Variants in ACADVL observed in about 807,000 individuals in gnomAD.
ACADVL encodes the protein very long-chain acyl-CoA dehydrogenase, mitochondrial.
In ACADVL, 73 loss-of-function variants were observed where a neutral mutation model predicts 80.4. The ratio of observed to expected loss-of-function variants is 0.91; its 90% CI spans 0.75 to 1.10. The LOEUF is 1.10. Ranked by LOEUF, ACADVL falls within the 50% of genes least tolerant of loss-of-function variation. The pLI is 0.00. For missense variants in ACADVL, 878 were observed against 858.9 expected (o/e 1.02, Z -0.28); for synonymous variants, 392 against 326.5 (o/e 1.20, Z -2.16).
upstream of ACADVL, chr17:7,219,879 G>A (rs771984326): frequency 3.1e-5 from 48 of 1,541,510 alleles, no homozygotes; most frequent in Non-Finnish European, 4.2e-5. Context: ...CCGCCGCCCG[G>A]TGCACTGTGG....
Position 7,222,811 on chromosome 17 carries a change from G to A in ACADVL, c.1023G>A (p.Arg341=), listed in dbSNP as rs373411700. The part of the protein sequence containing the change: ...KVAMHILNNG[R]FGMAAALAGT... Reference sequence around the variant, plus strand: ...CCATGCACATCCTCAACAATGGAAGGTTTGGCATGGCTGCGGCCCTGGCAG... The same window carrying A: ...CCATGCACATCCTCAACAATGGAAGATTTGGCATGGCTGCGGCCCTGGCAG... The change falls in exon 10 of 20, where the codon AGG becomes AGA. Residue 341 remains arginine, a synonymous_variant. Coordinates refer to ENST00000356839, the MANE Select transcript of ACADVL (RefSeq NM_000018.4). The A allele has an allele frequency of 1.9e-6, 3 of 1,613,806 alleles. No individual in the cohort carries two copies. The highest frequency in any genetic ancestry group is 1.7e-4 in the Middle Eastern group (1 of 5,836).
intron 6 of ACADVL, 139 bp from the exon 7 acceptor site, chr17:7,221,399 C>G: frequency 4.9e-6 from 7 of 1,427,716 alleles, no homozygotes; most frequent in South Asian, 3.5e-5. Flanking sequence ...TTTCTACACA[C>G]TGGGGATGGC....
upstream of ACADVL, chr17:7,218,753 T>A (rs112144905): frequency 1.3e-6 from 2 of 1,591,660 alleles, no homozygotes; most frequent in Non-Finnish European, 1.7e-6. Context: ...ACGGAAAGAT[T>A]TGGGGAGAAG....
chr17:7,218,642 A>C (rs767235504), upstream of ACADVL: 15 of 1,559,256 alleles, frequency 9.6e-6, no homozygotes, highest in African/African-American at 5.4e-5. Flanking sequence ...CCTGGGAGCT[A>C]GTGAGATGCA....
chr17:7,224,593 C>T, intron 17 of ACADVL, 41 bp downstream of exon 17: 1 of 1,599,608 alleles, frequency 6.3e-7, no homozygotes, highest in Non-Finnish European at 8.5e-7. Context: ...CCTTTCCTCT[C>T]CTTGAGACTA....
chr17:7,221,397 C>A, intron 6 of ACADVL, 141 bp from the exon 7 acceptor site: 1 of 1,422,662 alleles, frequency 7.0e-7, no homozygotes, highest in Non-Finnish European at 9.9e-7. Flanking sequence ...CTTTTCTACA[C>A]ACTGGGGATG....
upstream of ACADVL, chr17:7,219,837 A>T: frequency 6.5e-7 from 1 of 1,537,508 alleles, no homozygotes; most frequent in Non-Finnish European, 8.7e-7. Context: ...AGGGAACTAC[A>T]GCTCCCAGCA....
Position 7,223,109 on chromosome 17 carries a change from C to A in ACADVL, c.1078-24C>A, listed in dbSNP as rs763541934. The A allele has an allele frequency of 3.8e-6, 6 of 1,589,032 alleles. No homozygotes were observed. In the East Asian group the frequency reaches 1.3e-4, roughly 36 times the overall value. ...ACTGCAGAACCACACTGAACCACAGCGGGATGTGTGGACCCTCTTCCAGGT... is the reference window on the plus strand; with the variant it reads ...ACTGCAGAACCACACTGAACCACAGAGGGATGTGTGGACCCTCTTCCAGGT... On this transcript the variant is annotated intron_variant, in intron 10 of 19. Coordinates refer to ENST00000356839, the MANE Select transcript of ACADVL (RefSeq NM_000018.4).
chr17:7,221,896 C>A (rs764677627), intron 7 of ACADVL, 56 bp from the exon 8 acceptor site: 1 of 1,613,214 alleles, frequency 6.2e-7, no homozygotes, highest in South Asian at 1.1e-5. Context: ...GGAAGTGGGC[C>A]GAGGGGACTT....
At position 7,222,864 on chromosome 17, in the gene ACADVL, C is replaced by T. The variant is rs539029862; in HGVS notation, c.1076C>T (p.Ala359Val). Residue 359 changes from alanine (A) to valine (V), a missense_variant and splice_region_variant, in exon 10 of 20, where the codon GCG becomes GTG. Coordinates refer to ENST00000356839, the MANE Select transcript of ACADVL (RefSeq NM_000018.4). ...AGTMRGIIAK[A>V]VDHATNRTQF... ...ACCATGAGAGGCATCATTGCTAAGGCGGTGAGTACCCTGCCCGAGTCCCTA... is the reference window on the plus strand; with the variant it reads ...ACCATGAGAGGCATCATTGCTAAGGTGGTGAGTACCCTGCCCGAGTCCCTA... 11 of 1,611,172 alleles carry T rather than the reference C, an allele frequency of 6.8e-6. No individual in the cohort carries two copies. The highest frequency in any genetic ancestry group is 6.7e-5 in the African/African-American group (5 of 74,938).
intron 11 of ACADVL, 61 bp downstream of exon 11, chr17:7,223,298 A>G (rs2071320058): frequency 6.8e-7 from 1 of 1,465,428 alleles, no homozygotes; most frequent in Non-Finnish European, 9.6e-7. Context: ...GTCGGGTCAG[A>G]CTACAACCCC....
upstream of ACADVL, chr17:7,217,886 T>C: frequency 2.1e-6 from 3 of 1,446,582 alleles, no homozygotes; most frequent in South Asian, 3.7e-5. Context: ...GTTATTTGAA[T>C]ACGGGAGGGA....
chr17:7,218,155 T>G, upstream of ACADVL: 1 of 1,268,744 alleles, frequency 7.9e-7, no homozygotes, highest in Non-Finnish European at 1.1e-6. Flanking sequence ...GCCCCCAAGA[T>G]TCCAGGTAAT....
At position 7,224,245 on chromosome 17, in the gene ACADVL, T is replaced by C. The variant is rs111851815; in HGVS notation, c.1532+2T>C. 3.1e-6 allele frequency: 5 copies of C among 1,613,714 alleles called. No individual in the cohort carries two copies. Among genetic ancestry groups the C allele is most frequent in the East Asian group, 2.2e-5 (1 of 44,874 alleles). ...AGAGGCAGGCAAACAGCTGAGGCGG[T>C]AGGCTTAGGGCCAGAGCCAGGGGAG... On this transcript the variant is annotated splice_donor_variant, in intron 15 of 19. Coordinates refer to ENST00000356839, the MANE Select transcript of ACADVL (RefSeq NM_000018.4). LOFTEE classifies it high-confidence loss of function.
At position 7,222,877 on chromosome 17, in the gene ACADVL, G is replaced by T. The variant is rs1391166378; in HGVS notation, c.1077+12G>T. 6.2e-7 allele frequency: 1 copy of T among 1,609,770 alleles called. No homozygotes were observed. The highest frequency in any genetic ancestry group is 1.1e-5 in the South Asian group (1 of 90,990). On this transcript the variant is annotated intron_variant, in intron 10 of 19. Coordinates refer to ENST00000356839, the MANE Select transcript of ACADVL (RefSeq NM_000018.4). ...TCATTGCTAAGGCGGTGAGTACCCT[G>T]CCCGAGTCCCTAGGTAACCCAAACA...
At position 7,221,593 on chromosome 17, in the gene ACADVL, T is replaced by C. The variant is rs1131691808; in HGVS notation, c.533T>C (p.Leu178Pro). The C allele has an allele frequency of 1.2e-6, 2 of 1,614,082 alleles. No homozygotes were observed. Among genetic ancestry groups the C allele is most frequent in the African/African-American group, 1.3e-5 (1 of 75,028 alleles). ...GMHDLGVGIT[L>P]GAHQSIGFKG... ...CATGACCTTGGCGTGGGCATTACCCTGGGGGCCCATCAGAGCATCGGTTTC... is the reference window on the plus strand; with the variant it reads ...CATGACCTTGGCGTGGGCATTACCCCGGGGGCCCATCAGAGCATCGGTTTC... The change falls in exon 7 of 20, where the codon CTG becomes CCG. Residue 178 changes from leucine (L) to proline (P), a missense_variant. Physicochemically the swap from Leu to Pro is moderately conservative, Grantham distance 98. Transcript: ENST00000356839.
rs1485092231 is a variant in ACADVL, at chr17:7,224,312, TC to T, written c.1533-7del. 1.9e-6 allele frequency: 3 copies of T among 1,613,778 alleles called. No individual in the cohort carries two copies. The Admixed American group carries it at 5.0e-5, about 27-fold the overall frequency. ...GCAACTAACCAGTCATTCTCCCTCT[TC>T]CTCTCAGGCGGGCAGGGCTGGGCAG... On this transcript the variant is annotated splice_polypyrimidine_tract_variant and splice_region_variant and intron_variant, in intron 15 of 19. Coordinates refer to ENST00000356839, the MANE Select transcript of ACADVL (RefSeq NM_000018.4).
At chr17:7,222,448 A>T in intron 9 of ACADVL, 146 bp downstream of exon 9, 1 of 1,326,760 alleles carries the variant, frequency 7.5e-7, no homozygotes, top group Non-Finnish European at 1.0e-6. Context: ...TATGTATGCA[A>T]CTGAGCTAAA....
chr17:7,219,381 C>A, upstream of ACADVL: 1 of 1,012,342 alleles, frequency 9.9e-7, no homozygotes. Flanking sequence ...AAGGGAGGGG[C>A]AGTGAATCTG....
Sources: gnomAD v4.1 joint callset for allele counts on GRCh38, gnomAD v4.1.1 for gene constraint, MANE v1.5 for transcripts, NCBI Gene and HGNC (gene_info 2026-07-23, HGNC 2026-07-21) for gene names.